Variants in CELSR2 observed in about 807,000 individuals in gnomAD.
CELSR2 encodes the protein EGF-like protein 2.
In CELSR2, 81 loss-of-function variants were observed where a neutral mutation model predicts 251.6. The ratio of observed to expected loss-of-function variants is 0.32; its 90% CI spans 0.27 to 0.39. The LOEUF (loss-of-function observed/expected upper bound fraction) is 0.39. CELSR2 is among the 10% of genes least tolerant of loss of function. The pLI, the probability that CELSR2 is intolerant of heterozygous loss-of-function variation, is 1.00. For missense variants in CELSR2, 3,365 were observed against 3,947.7 expected, an observed-to-expected ratio of 0.85 and a Z score of 3.96; for synonymous variants, 1,721 against 1,670.5, an observed-to-expected ratio of 1.03 and a Z score of -0.74.
chr1:109,269,853 G>T lies in CELSR2; in HGVS notation c.7107+33G>T. The stretch of plus-strand genomic sequence containing the variant: ...CCACAGGGGCAGCTGCAGAGCCGTG[G>T]GTGGGCACCCAGGGCACGGGGCTGG... On this transcript the variant is annotated intron_variant, in intron 22 of 33. Coordinates refer to ENST00000271332, the MANE Select transcript of CELSR2 (RefSeq NM_001408.3). The surrounding 1 kb of genome is among the most constrained non-coding windows in gnomAD (Gnocchi z 6.4). 6.2e-7 allele frequency: 1 copy of T among 1,612,980 alleles called. No individual in the cohort carries two copies.
chr1:109,259,045 C>T lies in CELSR2; in HGVS notation c.3924C>T (p.Gly1308=). ...ACGGGCGCTGCCGCAGCCGCGAGGG[C>T]GGCTACACCTGCCTCTGTCGTGATG... ...GPHGRCRSRE[G]GYTCLCRDGY... Residue 1308 remains glycine, a synonymous_variant, in exon 2 of 34, where the codon GGC becomes GGT. Coordinates refer to ENST00000271332, the MANE Select transcript of CELSR2 (RefSeq NM_001408.3). The T allele has an allele frequency of 1.3e-6, 2 of 1,593,622 alleles. No homozygotes were observed. The highest frequency in any genetic ancestry group is 1.7e-6 in the Non-Finnish European group (2 of 1,175,128).
intron 1 of CELSR2, among the ~76,000 whole-genome samples, chr1:109,256,817 G>A (rs1380091795): frequency 6.6e-5 from 10 of 152,074 alleles, no homozygotes; most frequent in Non-Finnish European, 1.5e-4. Flanking sequence ...CCACCACCAC[G>A]CCCAACTAAT....
chr1:109,258,281 G>T (rs1655915910), intron 1 of CELSR2, 151 bp from the exon 2 acceptor site: 4 of 579,848 alleles, frequency 6.9e-6, no homozygotes, highest in Non-Finnish European at 1.2e-5. Flanking sequence ...CATCCCCTGA[G>T]CCCTGAAGGA....
chr1:109,263,590 T>C (rs1282705097), intron 8 of CELSR2, 21 bp from the exon 9 acceptor site: 2 of 1,611,876 alleles, frequency 1.2e-6, no homozygotes, highest in Admixed American at 1.7e-5. Context: ...CGTCACAGTC[T>C]GCCTTTTCCT....
chr1:109,253,301 G>C lies in CELSR2; in HGVS notation c.3222G>C (p.Leu1074=), dbSNP rs1162948129. 15 of 1,613,362 alleles carry C rather than the reference G, an allele frequency of 9.3e-6. No individual in the cohort carries two copies. Among genetic ancestry groups the C allele is most frequent in the East Asian group, 2.2e-5 (1 of 44,900 alleles). Residue 1074 remains leucine, a synonymous_variant, in exon 1 of 34, where the codon CTG becomes CTC. Transcript: ENST00000271332. The part of the protein sequence containing the change: ...FERGNELSLV[L]LNASTGELKL... ...GGGGAAATGAACTCAGCCTGGTCCTGCTCAATGCCTCCACGGGTGAGCTGA... is the reference window on the plus strand; with the variant it reads ...GGGGAAATGAACTCAGCCTGGTCCTCCTCAATGCCTCCACGGGTGAGCTGA...
At chr1:109,273,067 G>A in intron 31 of CELSR2, 40 bp downstream of exon 31, 2 of 1,596,442 alleles carry the variant, frequency 1.3e-6, no homozygotes, top group Non-Finnish European at 1.7e-6. Flanking sequence ...GGGCCAGTGG[G>A]AGGACAGTGG....
chr1:109,259,897 C>T (rs1455605230), intron 2 of CELSR2, among the ~76,000 whole-genome samples: 1 of 152,092 alleles, frequency 6.6e-6, no homozygotes, highest in East Asian at 1.9e-4. Flanking sequence ...TGCTCCTGAC[C>T]CCTCCCTTCA....
At chr1:109,263,302 G>A in intron 8 of CELSR2, 35 bp downstream of exon 8, 1 of 1,551,100 alleles carries the variant, frequency 6.4e-7, no homozygotes, top group Non-Finnish European at 8.8e-7. Context: ...CACAGCCTGG[G>A]TGCCATCAAC....
intron 1 of CELSR2, among the ~76,000 whole-genome samples, chr1:109,253,988 C>A (rs1199584880): frequency 6.6e-6 from 1 of 152,236 alleles, no homozygotes; most frequent in Non-Finnish European, 1.5e-5. Flanking sequence ...GCAGAAAGAG[C>A]CTGGCCTGGC....
Position 109,268,697 on chromosome 1 carries a change from C to G in CELSR2, c.6435C>G (p.Ala2145=). 6.2e-7 allele frequency: 1 copy of G among 1,613,818 alleles called. No individual in the cohort carries two copies. The stretch of plus-strand genomic sequence containing the variant: ...TGCTCCAGCACTATGAGGCCTACGC[C>G]AGTGCCCTGGCCCAGAACATGCGGC... ...AWLLQHYEAY[A]SALAQNMRHT... is the part of the protein sequence containing the mutation. The change falls in exon 18 of 34, where the codon GCC becomes GCG. Residue 2145 remains alanine (A), a synonymous_variant. Transcript: ENST00000271332.
At chr1:109,266,263 A>T in intron 15 of CELSR2, 57 bp downstream of exon 15, 1 of 1,591,074 alleles carries the variant, frequency 6.3e-7, no homozygotes, top group Non-Finnish European at 8.6e-7. Context: ...TGTTAGTGGG[A>T]TGAGGGCAGG....
intron 13 of CELSR2, 42 bp downstream of exon 13, chr1:109,265,353 T>C: frequency 6.4e-7 from 1 of 1,556,562 alleles, no homozygotes; most frequent in Admixed American, 1.9e-5. Flanking sequence ...CACTTGGGCC[T>C]CTGTCCACAT....
At position 109,268,045 on chromosome 1, in the gene CELSR2, C is replaced by T. The variant is rs756504454; in HGVS notation, c.6303C>T (p.Asp2101=). 1.1e-5 allele frequency: 18 copies of T among 1,599,004 alleles called. No individual in the cohort carries two copies. The highest frequency in any genetic ancestry group is 4.4e-5 in the South Asian group (4 of 90,838). The part of the protein sequence containing the change: ...QRGFGLSATQ[D]VHFTENLLRV... ...GCTTTGGGCTGTCTGCCACACAGGACGTGCACTTCACTGAGGTGGGGCTTG... is the reference window on the plus strand; with the variant it reads ...GCTTTGGGCTGTCTGCCACACAGGATGTGCACTTCACTGAGGTGGGGCTTG... The change falls in exon 17 of 34, where the codon GAC becomes GAT. Residue 2101 remains aspartate (D), a synonymous_variant. Transcript: ENST00000271332.
At position 109,259,026 on chromosome 1, in the gene CELSR2, G is replaced by A. The variant is rs769079305; in HGVS notation, c.3905G>A (p.Arg1302His). The change falls in exon 2 of 34, where the codon CGC (arginine) becomes CAC (histidine). Residue 1302 changes from arginine to histidine, a missense_variant. Around this residue, in one of 5 missense-constraint regions of CELSR2, gnomAD observed 2,093 missense variants for 2,382.8 expected, o/e 0.88. Transcript: ENST00000271332. ...TCGCGGCCCTGTGGCCCCCACGGGC[G>A]CTGCCGCAGCCGCGAGGGCGGCTAC... ...CYSRPCGPHG[R>H]CRSREGGYTC... 3.8e-6 allele frequency: 6 copies of A among 1,599,204 alleles called. No individual in the cohort carries two copies. Among genetic ancestry groups the A allele is most frequent in the Non-Finnish European group, 5.1e-6 (6 of 1,177,032 alleles).
intron 2 of CELSR2, among the ~76,000 whole-genome samples, chr1:109,260,516 G>T (rs1655988956): frequency 6.6e-6 from 1 of 152,140 alleles, no homozygotes; most frequent in African/African-American, 2.4e-5. Context: ...TGGAAGCCTG[G>T]TCCCATCCCC....
chr1:109,265,035 C>T, intron 12 of CELSR2, 26 bp downstream of exon 12: 1 of 1,613,794 alleles, frequency 6.2e-7, no homozygotes, highest in Non-Finnish European at 8.5e-7. Flanking sequence ...CATGTGGCAG[C>T]AGGTCCCAGT....
At chr1:109,266,506 C>A in intron 15 of CELSR2, 1 of 221,144 alleles carries the variant, frequency 4.5e-6, no homozygotes, top group Non-Finnish European at 8.8e-6. Context: ...CTCTGCCTCC[C>A]AGGTTCAAGC....
chr1:109,258,012 C>T (rs1655907044), intron 1 of CELSR2, among the ~76,000 whole-genome samples: 1 of 152,102 alleles, frequency 6.6e-6, no homozygotes, highest in South Asian at 2.1e-4. Context: ...GGAACACAGC[C>T]ATGGTTGCGA....
At position 109,261,163 on chromosome 1, in the gene CELSR2, C is replaced by T. The variant is rs146395553; in HGVS notation, c.4080C>T (p.Phe1360=). The change falls in exon 3 of 34, where the codon TTC becomes TTT. Residue 1360 remains phenylalanine, a synonymous_variant. Coordinates refer to ENST00000271332, the MANE Select transcript of CELSR2 (RefSeq NM_001408.3). This position sits in a 1 kb window ranked among gnomAD's most constrained non-coding sequence, Gnocchi z 4.8. The part of the protein sequence containing the change: ...GFKCDCPSGD[F]EKPYCQVTTR... ...AGTGCGATTGCCCATCTGGAGACTT[C>T]GAGAAGCCCTACTGCCAGGTGACCA... 1.8e-4 allele frequency: 290 copies of T among 1,614,154 alleles called. No homozygotes were observed. The highest frequency in any genetic ancestry group is 4.7e-4 in the African/African-American group (35 of 75,046).
Sources: gnomAD v4.1 joint callset for allele counts (sites outside exome capture counted in the v4.1 genomes callset) on GRCh38, gnomAD v4.1.1 for gene constraint, gnomAD v4.1.1 regional missense constraint, Gnocchi (gnomAD v3.1) non-coding constraint, MANE v1.5 for transcripts, NCBI Gene and HGNC (gene_info 2026-07-23, HGNC 2026-07-21) for gene names.